The following DNASE1 variants were observed in gnomAD, a reference collection of about 807,000 sequenced individuals.
DNASE1 encodes deoxyribonuclease 1, also known as deoxyribonuclease-1.
DNASE1 carries 40 observed loss-of-function variants against 33.9 expected under a neutral mutation model. That is an observed-to-expected ratio of 1.18 (90% CI 0.92 to 1.54). The LOEUF (loss-of-function observed/expected upper bound fraction) is 1.54, where lower values mean the gene tolerates loss of function less well. Among genes scored for constraint, DNASE1 ranks in the 40% most tolerant of loss-of-function variants. The probability of loss-of-function intolerance (pLI) is 0.00; values close to 1 mark genes in which losing one functional copy is unlikely to be tolerated. For missense variants in DNASE1, 518 were observed against 372.6 expected, an observed-to-expected ratio of 1.39 and a Z score of -3.21; for synonymous variants, 216 against 160.0, an observed-to-expected ratio of 1.35 and a Z score of -2.64.
At chr16:3,627,515 G>A (rs1003723987) in intron 1 of DNASE1, among the ~76,000 whole-genome samples, 5 of 152,028 alleles carry the variant, frequency 3.3e-5, no homozygotes, top group African/African-American at 1.2e-4. Context: ...GGGCTCAAGT[G>A]ATCCTTCCAC....
exon 10 of DNASE1, chr16:3,665,039 G>C (rs2050797510): frequency 6.5e-6 from 1 of 154,074 alleles, no homozygotes. Context: ...CAAGGAGCTG[G>C]ACACCCAACC....
chr16:3,632,763 T>G (rs936253759), intron 1 of DNASE1, among the ~76,000 whole-genome samples: 2 of 152,088 alleles, frequency 1.3e-5, no homozygotes, highest in Non-Finnish European at 2.9e-5. Context: ...TTTTTGTATT[T>G]TTAGTAAAGA....
downstream of DNASE1, chr16:3,662,898 C>G (rs145850823): frequency 4.2e-5 from 68 of 1,613,582 alleles, no homozygotes; most frequent in African/African-American, 8.3e-4. Flanking sequence ...GTTGGTGACA[C>G]GCGACCCCAG....
upstream of DNASE1, among the ~76,000 whole-genome samples, chr16:3,641,993 C>T (rs1445981006): frequency 2.0e-5 from 3 of 152,234 alleles, no homozygotes; most frequent in African/African-American, 7.2e-5. Context: ...ACCCGAGGGT[C>T]TGGCTATAGC....
chr16:3,617,090 C>T (rs1006084150), intron 1 of DNASE1, among the ~76,000 whole-genome samples: 1 of 151,720 alleles, frequency 6.6e-6, no homozygotes, highest in Non-Finnish European at 1.5e-5. Flanking sequence ...CCCTGTAATC[C>T]CAGCACTTTT....
intron 1 of DNASE1, among the ~76,000 whole-genome samples, chr16:3,632,827 C>A (rs1469365449): frequency 6.6e-6 from 1 of 152,104 alleles, no homozygotes; most frequent in African/African-American, 2.4e-5. Flanking sequence ...CTCAGGTGAT[C>A]CGCCCGCCTC....
upstream of DNASE1, chr16:3,654,329 C>CT: frequency 2.5e-6 from 1 of 398,776 alleles, no homozygotes; most frequent in African/African-American, 2.1e-5. Flanking sequence ...GCTGGTGCTG[C>CT]AGGCCCCCAC....
downstream of DNASE1, chr16:3,662,975 A>T: frequency 6.2e-7 from 1 of 1,601,530 alleles, no homozygotes; most frequent in Non-Finnish European, 8.5e-7. Flanking sequence ...CGGCTGCGGA[A>T]GAGCAGGCGA....
upstream of DNASE1, chr16:3,654,316 G>T (rs550993917): frequency 7.5e-6 from 3 of 398,410 alleles, no homozygotes; most frequent in African/African-American, 4.1e-5. Context: ...CTGGCCCCAC[G>T]GCGCTGGTGC....
chr16:3,663,700 CCTGCATGA>C (rs2050747922), exon 10 of DNASE1: 3 of 1,065,734 alleles, frequency 2.8e-6, no homozygotes, highest in Non-Finnish European at 4.0e-6. Flanking sequence ...GGTTCCTAGG[CCTGCATGA>C]CAGTTACTAC....
upstream of DNASE1, chr16:3,652,275 C>G (rs755350110): frequency 3.3e-5 from 5 of 152,308 alleles, no homozygotes; most frequent in Non-Finnish European, 5.9e-5. Flanking sequence ...TGGGCACTTG[C>G]TCTGTGAGCT....
At chr16:3,621,463 C>A (rs1339948687) in intron 1 of DNASE1, among the ~76,000 whole-genome samples, 1 of 152,164 alleles carries the variant, frequency 6.6e-6, no homozygotes, top group Non-Finnish European at 1.5e-5. Context: ...AAAATTCCCT[C>A]CTACTTCTGG....
chr16:3,657,434 AAC>A, intron 7 of DNASE1, 93 bp downstream of exon 7: 1 of 1,507,964 alleles, frequency 6.6e-7, no homozygotes, highest in Non-Finnish European at 9.0e-7. Context: ...AAAGCCTTTG[AAC>A]ACTCACCCAA....
intron 2 of DNASE1, 43 bp downstream of exon 2, chr16:3,655,563 G>C: frequency 6.2e-7 from 1 of 1,613,176 alleles, no homozygotes; most frequent in Non-Finnish European, 8.5e-7. Context: ...AGGAGCTCTG[G>C]AGTCTAGGGC....
intron 1 of DNASE1, among the ~76,000 whole-genome samples, chr16:3,627,146 C>G (rs982204655): frequency 6.6e-6 from 1 of 151,910 alleles, no homozygotes; most frequent in Non-Finnish European, 1.5e-5. Context: ...GCTGAGACTA[C>G]AGGCGTGAGC....
chr16:3,613,930 T>TA (rs1240970641), intron 1 of DNASE1, among the ~76,000 whole-genome samples: 14 of 143,884 alleles, frequency 9.7e-5, no homozygotes, highest in South Asian at 4.5e-4. Flanking sequence ...TTTTTTTTTT[T>TA]TGGACAAAAT....
At chr16:3,653,837 A>AAC (rs2042432860), upstream of DNASE1, 1 of 141,898 alleles carries the variant, frequency 7.0e-6, no homozygotes, top group African/African-American at 2.6e-5. Flanking sequence ...AAAAAAAAAA[A>AAC]AAAACTGAGC....
downstream of DNASE1, chr16:3,662,238 G>T: frequency 1.4e-6 from 2 of 1,394,590 alleles, no homozygotes; most frequent in Non-Finnish European, 9.7e-7. Context: ...GTAGCAGGCG[G>T]GGTCTCAAGG....
At chr16:3,647,937 G>T (rs985869261) in intron 1 of DNASE1, among the ~76,000 whole-genome samples, 2 of 152,032 alleles carry the variant, frequency 1.3e-5, no homozygotes, top group African/African-American at 2.4e-5. Context: ...GAAGGCTGAG[G>T]CGGGCGGATC....
Sources: gnomAD v4.1 joint callset for allele counts (sites outside exome capture counted in the v4.1 genomes callset) on GRCh38, gnomAD v4.1.1 for gene constraint, MANE v1.5 for transcripts, NCBI Gene and HGNC (gene_info 2026-07-23, HGNC 2026-07-21) for gene names.